Variants in PHPT1 observed in about 807,000 individuals in gnomAD.
PHPT1 encodes 14 kDa phosphohistidine phosphatase.
In PHPT1, 16 loss-of-function variants were observed where a neutral mutation model predicts 15.6. The observed-to-expected ratio is 1.03, with a 90% CI of 0.70 to 1.56. The LOEUF (loss-of-function observed/expected upper bound fraction) is 1.56, where lower values mean the gene tolerates loss of function less well. Ranked by LOEUF, PHPT1 falls within the 40% of genes most tolerant of loss-of-function variation. The pLI, the probability that PHPT1 is intolerant of heterozygous loss-of-function variation, is 0.00. For missense variants in PHPT1, 228 were observed against 171.0 expected (o/e 1.33, Z -1.86); for synonymous variants, 102 against 68.1 (o/e 1.50, Z -2.45).
At chr9:136,849,671 C>G in intron 1 of PHPT1, 81 bp downstream of exon 1, 2 of 249,336 alleles carry the variant, frequency 8.0e-6, no homozygotes, top group South Asian at 1.3e-4. Flanking sequence ...ACGGGGCTGA[C>G]GAGGCAGGGG....
rs765132105 is a variant in PHPT1, at chr9:136,849,435, C to G, written c.5C>G (p.Ala2Gly). M[A>G]VADLALIPDV... The stretch of plus-strand genomic sequence containing the variant: ...GGGGACTCCGGGAGGAGGAACATGG[C>G]GGTGGCGGACCTCGCTCTCATTCCT... The change falls in exon 1 of 3, where the codon GCG (alanine) becomes GGG (glycine). Residue 2 changes from alanine to glycine, a missense_variant. Ala to Gly is a moderately conservative substitution (Grantham distance 60). Coordinates refer to ENST00000247665, the MANE Select transcript of PHPT1 (RefSeq NM_014172.6). 6 of 1,594,484 alleles carry G rather than the reference C, an allele frequency of 3.8e-6. No individual in the cohort carries two copies. Among genetic ancestry groups the G allele is most frequent in the African/African-American group, 2.7e-5 (2 of 73,890 alleles).
At chr9:136,849,653 G>T in intron 1 of PHPT1, 63 bp downstream of exon 1, 1 of 1,203,250 alleles carries the variant, frequency 8.3e-7, no homozygotes, top group East Asian at 3.1e-5. Flanking sequence ...GGGGCTGGCG[G>T]GACGGAGACG....
chr9:136,850,080 C>T lies in PHPT1; in HGVS notation c.228C>T (p.Gly76=). ...KQGCDCECLG[G]GRISHQSQDK... is the part of the protein sequence containing the mutation. ...GCTGCGACTGTGAGTGTCTGGGCGG[C>T]GGGCGCATCTCCCACCAGAGTCAGG... is the stretch of plus-strand genomic sequence containing the variant. Residue 76 remains glycine, a synonymous_variant, in exon 2 of 3, where the codon GGC becomes GGT. Coordinates refer to ENST00000247665, the MANE Select transcript of PHPT1 (RefSeq NM_014172.6). 1.2e-6 allele frequency: 2 copies of T among 1,613,088 alleles called. No homozygotes were observed. The highest frequency in any genetic ancestry group is 4.5e-5 in the East Asian group (2 of 44,874).
intron 2 of PHPT1, chr9:136,850,351 C>T: frequency 1.2e-6 from 1 of 845,842 alleles, no homozygotes; most frequent in Non-Finnish European, 1.9e-6. Context: ...ACGGACACCC[C>T]CAGACATGGC....
intron 1 of PHPT1, chr9:136,849,802 T>C (rs944503568): frequency 1.4e-6 from 1 of 706,764 alleles, no homozygotes; most frequent in Non-Finnish European, 2.3e-6. Context: ...TGACACGGCC[T>C]GACACCCTCC....
At chr9:136,849,729 C>A in intron 1 of PHPT1, 139 bp downstream of exon 1, 2 of 842,442 alleles carry the variant, frequency 2.4e-6, no homozygotes, top group Non-Finnish European at 3.4e-6. Context: ...GCGGACTGCG[C>A]TCTGCTCCGA....
At chr9:136,850,295 G>A in intron 2 of PHPT1, 158 bp downstream of exon 2, 1 of 961,478 alleles carries the variant, frequency 1.0e-6, no homozygotes. Flanking sequence ...GGCCCATTGT[G>A]TTCCTGCATT....
At chr9:136,849,721 G>A (rs1009526966) in intron 1 of PHPT1, 131 bp downstream of exon 1, 9 of 830,442 alleles carry the variant, frequency 1.1e-5, no homozygotes, top group Non-Finnish European at 1.4e-5. Context: ...GGGCCGTAGC[G>A]GACTGCGCTC....
chr9:136,850,268 C>T (rs762408608), intron 2 of PHPT1, 131 bp downstream of exon 2: 2 of 1,211,906 alleles, frequency 1.7e-6, no homozygotes, highest in East Asian at 2.5e-5. Context: ...GGGTCGGCGG[C>T]AGAGCCCTCC....
chr9:136,849,814 C>T, intron 1 of PHPT1, 199 bp from the exon 2 acceptor site: 1 of 715,362 alleles, frequency 1.4e-6, no homozygotes, highest in Non-Finnish European at 2.3e-6. Context: ...ACACCCTCCC[C>T]AGCAGTCTCC....
chr9:136,849,867 C>T, intron 1 of PHPT1, 146 bp from the exon 2 acceptor site: 1 of 891,940 alleles, frequency 1.1e-6, no homozygotes, highest in Admixed American at 2.3e-5. Flanking sequence ...TTCGCTCATT[C>T]ATCCCTGTCC....
At chr9:136,850,494 A>C in intron 2 of PHPT1, 1 of 1,610,910 alleles carries the variant, frequency 6.2e-7, no homozygotes, top group South Asian at 1.1e-5. Context: ...TCTTCACAAA[A>C]ACCACCAGCA....
Position 136,850,027 on chromosome 9 carries a change from A to G in PHPT1, c.175A>G (p.Lys59Glu), listed in dbSNP as rs1848866129. The G allele has an allele frequency of 6.2e-7, 1 of 1,612,656 alleles. No homozygotes were observed. Among genetic ancestry groups the G allele is most frequent in the Non-Finnish European group, 8.5e-7 (1 of 1,179,692 alleles). ...TCCCATCCCAGCGGACATCTACGACAAAGTGTCGGGCGACATGCAGAAGCA... is the reference window on the plus strand; with the variant it reads ...TCCCATCCCAGCGGACATCTACGACGAAGTGTCGGGCGACATGCAGAAGCA... ...WAEYHADIYD[K>E]VSGDMQKQGC... is the part of the protein sequence containing the mutation. The change falls in exon 2 of 3, where the codon AAA becomes GAA. Residue 59 changes from lysine to glutamate, a missense_variant. By Grantham distance (56) the Lys-to-Glu change is moderately conservative. Coordinates refer to ENST00000247665, the MANE Select transcript of PHPT1 (RefSeq NM_014172.6).
intron 2 of PHPT1, chr9:136,850,421 T>G: frequency 2.3e-6 from 3 of 1,283,558 alleles, no homozygotes; most frequent in Non-Finnish European, 3.3e-6. Flanking sequence ...CCTCCAGCAC[T>G]TTGGGCCCTG....
chr9:136,849,442 G>T lies in PHPT1; in HGVS notation c.12G>T (p.Ala4=), dbSNP rs41309982. 1 of 1,603,528 alleles carries T rather than the reference G, an allele frequency of 6.2e-7. No homozygotes were observed. Among genetic ancestry groups the T allele is most frequent in the Admixed American group, 1.7e-5 (1 of 59,336 alleles). The part of the protein sequence containing the change: MAV[A]DLALIPDVDI... Reference sequence around the variant, plus strand: ...CCGGGAGGAGGAACATGGCGGTGGCGGACCTCGCTCTCATTCCTGATGTGG... The same window carrying T: ...CCGGGAGGAGGAACATGGCGGTGGCTGACCTCGCTCTCATTCCTGATGTGG... Residue 4 remains alanine, a synonymous_variant, in exon 1 of 3, where the codon GCG becomes GCT. Coordinates refer to ENST00000247665, the MANE Select transcript of PHPT1 (RefSeq NM_014172.6).
In PHPT1 at chr9:136,849,563, C is replaced by A. The variant is rs542079039; in HGVS notation, c.133C>A (p.Arg45Ser). ...GGCTGCAGAGAGCAAGGAGATCGTG[C>A]GCGGCTACAAGTGGGCTGAGTACCA... is the stretch of plus-strand genomic sequence containing the variant. ...APAAESKEIV[R>S]GYKWAEYHAD... is the part of the protein sequence containing the mutation. The change falls in exon 1 of 3, where the codon CGC becomes AGC. Residue 45 changes from arginine to serine, a missense_variant. Physicochemically the swap from Arg to Ser is moderately radical, Grantham distance 110. Transcript: ENST00000247665. 1.2e-6 allele frequency: 2 copies of A among 1,605,288 alleles called. No individual in the cohort carries two copies. Among genetic ancestry groups the A allele is most frequent in the East Asian group, 2.3e-5 (1 of 44,088 alleles).
Position 136,849,631 on chromosome 9 carries a change from C to A in PHPT1, c.160+41C>A, listed in dbSNP as rs547672004. Reference sequence around the variant, plus strand: ...GCGGGCATGCCAGGGGCACGCCTGGCGAGGCGGGGGCGGGGCTGGCGGGAC... The same window carrying A: ...GCGGGCATGCCAGGGGCACGCCTGGAGAGGCGGGGGCGGGGCTGGCGGGAC... On this transcript the variant is annotated intron_variant, in intron 1 of 2. Coordinates refer to ENST00000247665, the MANE Select transcript of PHPT1 (RefSeq NM_014172.6). The A allele has an allele frequency of 4.3e-5, 32 of 747,838 alleles. 1 individual carries two copies. Among genetic ancestry groups the A allele is most frequent in the South Asian group, 3.6e-4 (17 of 47,694 alleles). The allele number at this position is 747,838 out of a possible 1,614,324, so 46.3% of individuals were successfully genotyped here.
chr9:136,849,853 C>A, intron 1 of PHPT1, 160 bp from the exon 2 acceptor site: 1 of 832,692 alleles, frequency 1.2e-6, no homozygotes, highest in Non-Finnish European at 1.9e-6. Context: ...CGGTTCCACC[C>A]TCCTTCGCTC....
At position 136,849,586 on chromosome 9, in the gene PHPT1, C is replaced by G. The variant is rs1450494627; in HGVS notation, c.156C>G (p.Tyr52Ter). The stretch of plus-strand genomic sequence containing the variant: ...TGCGCGGCTACAAGTGGGCTGAGTA[C>G]CATGGTGAGGGCGGGACCTGCGGGC... The part of the protein sequence containing the change: ...EIVRGYKWAE[Y>*]HADIYDKVSG... Residue 52 changes from tyrosine to a stop codon, truncating the protein, a stop_gained, in exon 1 of 3, where the codon TAC becomes TAG. Coordinates refer to ENST00000247665, the MANE Select transcript of PHPT1 (RefSeq NM_014172.6). LOFTEE classifies it high-confidence loss of function. 2 of 1,590,582 alleles carry G rather than the reference C, an allele frequency of 1.3e-6. No individual in the cohort carries two copies. Among genetic ancestry groups the G allele is most frequent in the Non-Finnish European group, 1.7e-6 (2 of 1,172,328 alleles).
Sources: gnomAD v4.1 joint callset for allele counts on GRCh38, gnomAD v4.1.1 for gene constraint, MANE v1.5 for transcripts, NCBI Gene and HGNC (gene_info 2026-07-23, HGNC 2026-07-21) for gene names.